The following ETNK1 variants were observed in gnomAD, a reference collection of about 807,000 sequenced individuals.
The protein encoded by ETNK1 is putative protein product of Nbla10396.
A neutral mutation model predicts 45.1 loss-of-function variants in ETNK1; 8 were observed. The observed-to-expected ratio is 0.18, with a 90% CI of 0.10 to 0.32. The LOEUF (loss-of-function observed/expected upper bound fraction) is 0.32, where lower values mean the gene tolerates loss of function less well. ETNK1 is among the 10% of genes least tolerant of loss of function. ETNK1 has a pLI of 1.00. For missense variants in ETNK1, 302 were observed against 430.6 expected, an observed-to-expected ratio of 0.70 and a Z score of 2.64; for synonymous variants, 152 against 151.9, an observed-to-expected ratio of 1.00 and a Z score of -0.01.
intron 4 of ETNK1, among the ~76,000 whole-genome samples, chr12:22,669,794 A>AC (rs1276662617): frequency 6.7e-6 from 1 of 150,072 alleles, no homozygotes; most frequent in Non-Finnish European, 1.5e-5. Flanking sequence ...ACATAGCAAG[A>AC]CCCCGTCTCT....
rs751432540 is a variant in ETNK1 at position 22,686,067 on chromosome 12, T to G, written c.*1113T>G. ...ATGTTGAGGCAGTTATATAATTAAA[T>G]AAGGAACACTTAGGGCATTGATCTT... On this transcript the variant is annotated 3_prime_UTR_variant, in exon 8 of 8. Transcript: ENST00000266517. 1.5e-4 allele frequency: 23 copies of G among 152,312 alleles called. No individual in the cohort carries two copies. The highest frequency in any genetic ancestry group is 2.7e-4 in the Non-Finnish European group (18 of 67,798). 9.4% of individuals were successfully genotyped at this position (152,312 alleles called of 1,614,324 possible). A position where few individuals can be genotyped will look rare whatever the true frequency, so the allele number is the denominator to read the frequency against.
At chr12:22,642,236 T>G (rs1477591198) in intron 1 of ETNK1, among the ~76,000 whole-genome samples, 1 of 152,202 alleles carries the variant, frequency 6.6e-6, no homozygotes, top group East Asian at 1.9e-4. Context: ...TTGAAATATT[T>G]TATCTATGAC....
chr12:22,663,087 G>A (rs1025900606), intron 4 of ETNK1, among the ~76,000 whole-genome samples: 1 of 152,008 alleles, frequency 6.6e-6, no homozygotes, highest in African/African-American at 2.4e-5. Flanking sequence ...TTAAAATTTC[G>A]AGCATACCCT....
At chr12:22,647,725 A>G (rs1953824196) in intron 2 of ETNK1, among the ~76,000 whole-genome samples, 1 of 151,978 alleles carries the variant, frequency 6.6e-6, no homozygotes, top group Admixed American at 6.6e-5. Context: ...TTTCGTTTCA[A>G]AATATTTTTG....
At chr12:22,634,714 G>GTATT (rs766720329) in intron 1 of ETNK1, among the ~76,000 whole-genome samples, 8 of 151,928 alleles carry the variant, frequency 5.3e-5, no homozygotes, top group South Asian at 2.1e-4. Flanking sequence ...GCTAATTTTT[G>GTATT]TATTTATTTA....
chr12:22,638,996 T>C (rs767565800), intron 1 of ETNK1: 1 of 152,050 alleles, frequency 6.6e-6, no homozygotes, highest in African/African-American at 2.4e-5. Flanking sequence ...TGTTTAATAG[T>C]CAGTTCATAA....
chr12:22,643,024 A>T (rs1375442180), intron 1 of ETNK1, among the ~76,000 whole-genome samples: 3 of 152,030 alleles, frequency 2.0e-5, no homozygotes. Flanking sequence ...AGTCTTATTT[A>T]AAAAATACCA....
intron 5 of ETNK1, among the ~76,000 whole-genome samples, chr12:22,672,190 T>G (rs1458534817): frequency 1.3e-5 from 2 of 152,112 alleles, no homozygotes; most frequent in Non-Finnish European, 2.9e-5. Context: ...CCCCTATTAA[T>G]TTATAATTAC....
chr12:22,656,497 G>A (rs1953942318), intron 2 of ETNK1: 19 of 985,216 alleles, frequency 1.9e-5, no homozygotes, highest in Non-Finnish European at 2.0e-5. Flanking sequence ...AATAACTGCA[G>A]CACTTGGATG....
At chr12:22,680,829 A>G (rs1383793066) in intron 6 of ETNK1, among the ~76,000 whole-genome samples, 2 of 151,764 alleles carry the variant, frequency 1.3e-5, no homozygotes, top group African/African-American at 4.8e-5. Context: ...GGCAAACAAA[A>G]GTAGGTATAT....
intron 6 of ETNK1, chr12:22,682,173 C>T: frequency 4.1e-6 from 1 of 244,816 alleles, no homozygotes; most frequent in Non-Finnish European, 8.4e-6. Flanking sequence ...CTAAAGATCA[C>T]ATATGTTGAT....
chr12:22,659,445 T>A (rs1953977297), intron 3 of ETNK1, among the ~76,000 whole-genome samples: 1 of 152,008 alleles, frequency 6.6e-6, no homozygotes, highest in Admixed American at 6.6e-5. Flanking sequence ...TGAAGCAAGA[T>A]TTTTCTTGAC....
In ETNK1 at chr12:22,625,578, A is replaced by G; in HGVS notation, c.148A>G (p.Thr50Ala). Residue 50 changes from threonine (T) to alanine (A), a missense_variant, in exon 1 of 8, where the codon ACC (threonine) becomes GCC (alanine). Physicochemically the swap from Thr to Ala is moderately conservative, Grantham distance 58. This residue lies in a region of ETNK1 where 205 missense variants were observed against 259.9 expected (regional missense o/e 0.79). Coordinates refer to ENST00000266517, the MANE Select transcript of ETNK1 (RefSeq NM_018638.5). ...GCCTCACTGGGACCCCCAGGAGGTG[A>G]CCCTGCAGGTAACGCCCACACCTCA... is the stretch of plus-strand genomic sequence containing the variant. ...LRPHWDPQEV[T>A]LQLFTDGITN... 6.3e-7 allele frequency: 1 copy of G among 1,586,846 alleles called. No individual in the cohort carries two copies. Among genetic ancestry groups the G allele is most frequent in the Non-Finnish European group, 8.6e-7 (1 of 1,166,996 alleles).
chr12:22,643,414 T>C (rs1953764565), intron 1 of ETNK1, among the ~76,000 whole-genome samples: 1 of 151,944 alleles, frequency 6.6e-6, no homozygotes, highest in Non-Finnish European at 1.5e-5. Context: ...CACACACACA[T>C]ACACACAAAT....
At chr12:22,663,441 A>G (rs953460033) in intron 4 of ETNK1, among the ~76,000 whole-genome samples, 8 of 152,126 alleles carry the variant, frequency 5.3e-5, no homozygotes, top group African/African-American at 1.4e-4. Flanking sequence ...TTTCTTTTGC[A>G]TATTCATTTC....
chr12:22,653,106 T>G, intron 2 of ETNK1, among the ~76,000 whole-genome samples: 1 of 152,262 alleles, frequency 6.6e-6, no homozygotes, highest in Non-Finnish European at 1.5e-5. Flanking sequence ...TTGTTCTTCT[T>G]TTCCCGTTGT....
intron 3 of ETNK1, among the ~76,000 whole-genome samples, chr12:22,660,168 C>T (rs556424754): frequency 1.3e-5 from 2 of 151,880 alleles, no homozygotes; most frequent in South Asian, 4.2e-4. Flanking sequence ...TAGAAACCAC[C>T]TGAACAGGCA....
intron 1 of ETNK1, among the ~76,000 whole-genome samples, chr12:22,640,396 C>CTT (rs77034488): frequency 1.4e-4 from 18 of 126,442 alleles, no homozygotes; most frequent in African/African-American, 4.4e-4. Flanking sequence ...AATTGAAAGC[C>CTT]TTTTTTTTTT....
chr12:22,656,431 G>T (rs993292025), intron 2 of ETNK1: 3 of 985,282 alleles, frequency 3.0e-6, no homozygotes, highest in African/African-American at 3.5e-5. Context: ...GATTGTTTCA[G>T]ATCAGAAGAG....
Sources: gnomAD v4.1 joint callset for allele counts (sites outside exome capture counted in the v4.1 genomes callset) on GRCh38, gnomAD v4.1.1 for gene constraint, gnomAD v4.1.1 regional missense constraint, MANE v1.5 for transcripts, NCBI Gene and HGNC (gene_info 2026-07-23, HGNC 2026-07-21) for gene names.